Variants in PID1 observed in about 807,000 individuals in gnomAD.
PID1 encodes PTB-containing, cubilin and LRP1-interacting protein.
A neutral mutation model predicts 19.1 loss-of-function variants in PID1; 10 were observed. The observed-to-expected ratio is 0.52, with a 90% CI of 0.32 to 0.89. PID1 has a LOEUF of 0.89. PID1 is among the 40% of genes least tolerant of loss of function. The probability of loss-of-function intolerance (pLI) is 0.03; values close to 1 mark genes in which losing one functional copy is unlikely to be tolerated. For synonymous variants in PID1, 130 were observed against 116.0 expected, an observed-to-expected ratio of 1.12 and a Z score of -0.78; for missense variants, 248 against 285.3, an observed-to-expected ratio of 0.87 and a Z score of 0.94.
At chr2:229,143,570 G>C (rs1000147602) in intron 2 of PID1, among the ~76,000 whole-genome samples, 1 of 152,036 alleles carries the variant, frequency 6.6e-6, no homozygotes, top group African/African-American at 2.4e-5. Context: ...AAATTAAAGA[G>C]GACCAAAAAC....
chr2:229,079,067 G>T (rs1694619840), intron 2 of PID1, among the ~76,000 whole-genome samples: 1 of 152,134 alleles, frequency 6.6e-6, no homozygotes, highest in Non-Finnish European at 1.5e-5. Context: ...AACAAAAAGG[G>T]AGGAAATAAA....
At chr2:229,155,446 G>A (rs1423064256) in intron 2 of PID1, among the ~76,000 whole-genome samples, 1 of 151,960 alleles carries the variant, frequency 6.6e-6, no homozygotes, top group Non-Finnish European at 1.5e-5. Flanking sequence ...GGTGCCTGTA[G>A]CCTGTAGTCC....
chr2:229,120,481 G>A (rs1574644874), intron 2 of PID1, among the ~76,000 whole-genome samples: 2 of 151,960 alleles, frequency 1.3e-5, no homozygotes, highest in Admixed American at 6.6e-5. Flanking sequence ...TGAGGCAGAG[G>A]AAGAAGAGGA....
chr2:229,223,051 C>T (rs189673172), intron 1 of PID1, among the ~76,000 whole-genome samples: 183 of 152,198 alleles, frequency 1.2e-3, no homozygotes, highest in African/African-American at 3.9e-3. Flanking sequence ...ACATGGCTTT[C>T]GTTGTCTTTT....
chr2:229,192,974 T>C (rs1042718740), intron 1 of PID1, among the ~76,000 whole-genome samples: 2 of 152,184 alleles, frequency 1.3e-5, no homozygotes, highest in Non-Finnish European at 2.9e-5. Flanking sequence ...AGTCATCATA[T>C]CCAAATGGCA....
At chr2:229,054,974 G>A (rs1694070088) in intron 2 of PID1, among the ~76,000 whole-genome samples, 1 of 152,112 alleles carries the variant, frequency 6.6e-6, no homozygotes, top group Admixed American at 6.5e-5. Flanking sequence ...GTCAAGTCAT[G>A]GTGCAGACAT....
At chr2:229,110,205 A>C (rs1444090787) in intron 2 of PID1, among the ~76,000 whole-genome samples, 1 of 152,166 alleles carries the variant, frequency 6.6e-6, no homozygotes, top group Non-Finnish European at 1.5e-5. Context: ...TTTTCCTATG[A>C]TATGTGCCAT....
In PID1 at chr2:229,072,105, C is replaced by T. The variant is rs549216656; in HGVS notation, c.178-45997G>A. Reference sequence around the variant, plus strand: ...AATTTGCATTTTCAAAGGAACAATACGATTTAGTCCATCAATCTGAACCAA... The same window carrying T: ...AATTTGCATTTTCAAAGGAACAATATGATTTAGTCCATCAATCTGAACCAA... On this transcript the variant is annotated intron_variant, in intron 2 of 2. Transcript: ENST00000392055. Among the ~76,000 whole-genome samples the T allele has an allele frequency of 7.9e-5, 12 of 152,210 alleles. 1 individual carries two copies. The highest frequency in any genetic ancestry group is 7.7e-4 in the East Asian group (4 of 5,182).
At chr2:229,154,120 T>C (rs997877696) in intron 2 of PID1, among the ~76,000 whole-genome samples, 15 of 152,340 alleles carry the variant, frequency 9.8e-5, no homozygotes, top group East Asian at 1.9e-4. Flanking sequence ...TCTTGGGAAG[T>C]TGGAAGTTCT....
At chr2:229,074,445 G>T (rs1408773841) in intron 2 of PID1, among the ~76,000 whole-genome samples, 1 of 152,152 alleles carries the variant, frequency 6.6e-6, no homozygotes, top group Non-Finnish European at 1.5e-5. Flanking sequence ...GTCAACTAAA[G>T]CAACATCAAA....
At chr2:229,102,205 C>T (rs1406912811) in intron 2 of PID1, among the ~76,000 whole-genome samples, 1 of 151,974 alleles carries the variant, frequency 6.6e-6, no homozygotes, top group East Asian at 1.9e-4. Context: ...AACTTCTCAC[C>T]TGCATAAATG....
intron 2 of PID1, among the ~76,000 whole-genome samples, chr2:229,059,918 T>C (rs1694178173): frequency 6.6e-6 from 1 of 152,116 alleles, no homozygotes; most frequent in Non-Finnish European, 1.5e-5. Context: ...TGATGCAGAA[T>C]TACAAACAAC....
At chr2:229,264,792 C>A (rs973136775) in intron 1 of PID1, among the ~76,000 whole-genome samples, 1 of 152,112 alleles carries the variant, frequency 6.6e-6, no homozygotes, top group Non-Finnish European at 1.5e-5. Context: ...GGAATAGGAC[C>A]GTGAGTCCTC....
At chr2:229,219,815 C>T (rs924597364) in intron 1 of PID1, among the ~76,000 whole-genome samples, 23 of 151,528 alleles carry the variant, frequency 1.5e-4, no homozygotes, top group Non-Finnish European at 2.9e-4. Context: ...GCCACTGTGC[C>T]TGGCCAAGCC....
At chr2:229,060,298 G>A (rs762721556) in intron 2 of PID1, among the ~76,000 whole-genome samples, 2 of 151,942 alleles carry the variant, frequency 1.3e-5, no homozygotes, top group Non-Finnish European at 2.9e-5. Context: ...CAAGCCTCTG[G>A]TAACTCCCAT....
At chr2:229,235,140 T>C (rs1692296185) in intron 1 of PID1, among the ~76,000 whole-genome samples, 1 of 152,216 alleles carries the variant, frequency 6.6e-6, no homozygotes, top group African/African-American at 2.4e-5. Flanking sequence ...TTCCTACAAG[T>C]ACAGCTCTCT....
At chr2:229,207,480 T>A (rs1691632823) in intron 1 of PID1, among the ~76,000 whole-genome samples, 1 of 149,662 alleles carries the variant, frequency 6.7e-6, no homozygotes. Flanking sequence ...TTCTTTGTTA[T>A]CCAACATTAG....
intron 2 of PID1, among the ~76,000 whole-genome samples, chr2:229,141,497 A>G (rs1690010847): frequency 1.3e-5 from 2 of 152,162 alleles, no homozygotes. Context: ...ATAGACTAAT[A>G]GGAAAGTGTT....
chr2:229,172,908 T>A (rs1340864168), intron 1 of PID1, among the ~76,000 whole-genome samples: 4 of 152,060 alleles, frequency 2.6e-5, no homozygotes, highest in Non-Finnish European at 5.9e-5. Context: ...ATTTTTTGTA[T>A]TTTTAGTAGA....
Sources: gnomAD v4.1 joint callset for allele counts (sites outside exome capture counted in the v4.1 genomes callset) on GRCh38, gnomAD v4.1.1 for gene constraint, MANE v1.5 for transcripts, NCBI Gene and HGNC (gene_info 2026-07-23, HGNC 2026-07-21) for gene names.